Variants in GLIS3 observed in about 807,000 individuals in gnomAD.
GLIS3 encodes zinc finger protein GLIS3.
Under a neutral mutation model 78.6 loss-of-function variants are expected in GLIS3, and 53 were observed. The observed-to-expected ratio is 0.67, with a 90% CI of 0.54 to 0.85. The LOEUF is 0.85. Ranked by LOEUF, GLIS3 falls within the 40% of genes least tolerant of loss-of-function variation. The pLI is 0.00. For synonymous variants in GLIS3, 684 were observed against 509.9 expected, an observed-to-expected ratio of 1.34 and a Z score of -4.60; for missense variants, 1,703 against 1,231.1, an observed-to-expected ratio of 1.38 and a Z score of -5.74.
chr9:4,223,745 G>C (rs539079564), intron 2 of GLIS3, among the ~76,000 whole-genome samples: 80 of 152,146 alleles, frequency 5.3e-4, no homozygotes, highest in African/African-American at 1.9e-3. Flanking sequence ...TAAGGTTTTG[G>C]ATTTTTCTAT....
At chr9:4,439,791 A>T in the GLIS3 span, among the ~76,000 whole-genome samples, 7 of 152,182 alleles carry the variant, frequency 4.6e-5, no homozygotes, top group Admixed American at 1.3e-4. Context: ...TGATCCTCCT[A>T]CCTCAGCCTC....
chr9:4,327,708 T>A (rs1437828553), intron 2 of GLIS3, among the ~76,000 whole-genome samples: 1 of 152,190 alleles, frequency 6.6e-6, no homozygotes, highest in Non-Finnish European at 1.5e-5. Flanking sequence ...ACTTTGCAGT[T>A]AATGGGGCTT....
chr9:4,322,169 G>C (rs997041736), intron 2 of GLIS3, among the ~76,000 whole-genome samples: 3 of 152,110 alleles, frequency 2.0e-5, no homozygotes, highest in African/African-American at 4.8e-5. Flanking sequence ...CAGAATGATG[G>C]TTTCCAGCTT....
chr9:4,469,234 G>T, the GLIS3 span, among the ~76,000 whole-genome samples: 1 of 152,114 alleles, frequency 6.6e-6, no homozygotes, highest in South Asian at 2.1e-4. Flanking sequence ...CAATGAGACA[G>T]AAAGTTAACA....
At chr9:4,071,065 T>C (rs1447133457) in intron 4 of GLIS3, 1 of 152,236 alleles carries the variant, frequency 6.6e-6, no homozygotes, top group Non-Finnish European at 1.5e-5. Context: ...AAAAGATCTG[T>C]AAGATCTTTC....
At chr9:3,923,533 C>A (rs1226846898) in intron 6 of GLIS3, among the ~76,000 whole-genome samples, 1 of 150,874 alleles carries the variant, frequency 6.6e-6, no homozygotes, top group Non-Finnish European at 1.5e-5. Context: ...GGAAAAGCAG[C>A]AGCACATTTG....
chr9:3,952,419 A>G (rs368277987), intron 4 of GLIS3, among the ~76,000 whole-genome samples: 9 of 152,118 alleles, frequency 5.9e-5, no homozygotes, highest in South Asian at 2.1e-4. Context: ...CCAGGCTCAC[A>G]CAATTTGCAC....
At chr9:4,294,885 G>C (rs1343345621) in intron 1 of GLIS3, among the ~76,000 whole-genome samples, 1 of 152,066 alleles carries the variant, frequency 6.6e-6, no homozygotes, top group East Asian at 1.9e-4. Context: ...TGAAAAACAT[G>C]GTGTAAGTGA....
At chr9:4,372,322 G>T in the GLIS3 span, among the ~76,000 whole-genome samples, 1 of 152,078 alleles carries the variant, frequency 6.6e-6, no homozygotes, top group Admixed American at 6.5e-5. Flanking sequence ...ATTAATCATT[G>T]ATTTTATTTT....
At chr9:4,453,717 A>C in the GLIS3 span, among the ~76,000 whole-genome samples, 5 of 152,218 alleles carry the variant, frequency 3.3e-5, no homozygotes, top group African/African-American at 1.2e-4. Flanking sequence ...ATGAAGCTGG[A>C]AACCATCATT....
chr9:4,323,479 A>T (rs1400722119), intron 2 of GLIS3, among the ~76,000 whole-genome samples: 1 of 152,078 alleles, frequency 6.6e-6, no homozygotes, highest in Non-Finnish European at 1.5e-5. Flanking sequence ...TCATTCATTT[A>T]TATTACTGTG....
intron 4 of GLIS3, among the ~76,000 whole-genome samples, chr9:3,953,346 A>C (rs1330299163): frequency 6.6e-6 from 1 of 152,218 alleles, no homozygotes; most frequent in Non-Finnish European, 1.5e-5. Flanking sequence ...GGTCCCCTTT[A>C]TCTCTTAGGA....
At chr9:4,239,855 G>C (rs1823124935) in intron 2 of GLIS3, among the ~76,000 whole-genome samples, 1 of 152,328 alleles carries the variant, frequency 6.6e-6, no homozygotes, top group East Asian at 1.9e-4. Context: ...TTTCAGGAGT[G>C]TTTGCAAATG....
chr9:4,423,571 T>C, the GLIS3 span, among the ~76,000 whole-genome samples: 1 of 152,144 alleles, frequency 6.6e-6, no homozygotes, highest in Non-Finnish European at 1.5e-5. Context: ...AAACCCTCTC[T>C]AGCAGCTATT....
the GLIS3 span, among the ~76,000 whole-genome samples, chr9:4,470,341 G>T: frequency 0.21 from 31,475 of 151,928 alleles, 3,303 homozygotes; most frequent in Admixed American, 0.23. Context: ...TGAATATCGA[G>T]GCAAAAATCC....
At chr9:4,426,630 C>T in the GLIS3 span, among the ~76,000 whole-genome samples, 4 of 152,256 alleles carry the variant, frequency 2.6e-5, no homozygotes, top group African/African-American at 4.8e-5. Context: ...GAACATATCA[C>T]CATCCATCAT....
intron 9 of GLIS3, among the ~76,000 whole-genome samples, chr9:3,843,122 G>A (rs1040343224): frequency 6.6e-6 from 1 of 152,132 alleles, no homozygotes; most frequent in East Asian, 1.9e-4. Flanking sequence ...TCTCACTGTT[G>A]GTCCCATACT....
intron 4 of GLIS3, among the ~76,000 whole-genome samples, chr9:4,104,419 T>C (rs1174379390): frequency 6.6e-6 from 1 of 152,166 alleles, no homozygotes; most frequent in Admixed American, 6.6e-5. Context: ...CTTCTACCAC[T>C]GGATATTAAG....
intron 2 of GLIS3, among the ~76,000 whole-genome samples, chr9:4,265,632 C>G (rs895908608): frequency 3.3e-5 from 5 of 152,168 alleles, no homozygotes; most frequent in Non-Finnish European, 7.3e-5. Context: ...AATTAAGTCA[C>G]AAGAACTCTT....
Sources: allele counts gnomAD v4.1 joint callset (sites outside exome capture counted in the v4.1 genomes callset), GRCh38; gene constraint gnomAD v4.1.1; transcripts MANE v1.5; gene names NCBI Gene and HGNC (gene_info 2026-07-23, HGNC 2026-07-21).